Variants in DUSP18 observed in about 807,000 individuals in gnomAD.
The protein encoded by DUSP18 is dual specificity phosphatase 18.
Under a neutral mutation model 6.3 loss-of-function variants are expected in DUSP18, and 4 were observed. The observed-to-expected ratio is 0.63, with a 90% confidence interval of 0.31 to 1.45. DUSP18 has a LOEUF of 1.45. DUSP18 is among the 40% of genes most tolerant of loss of function. The pLI, the probability that DUSP18 is intolerant of heterozygous loss-of-function variation, is 0.07. For synonymous variants in DUSP18, 96 were observed against 95.1 expected, an observed-to-expected ratio of 1.01 and a Z score of -0.05; for missense variants, 235 against 247.7, an observed-to-expected ratio of 0.95 and a Z score of 0.34.
intron 1 of DUSP18, among the ~76,000 whole-genome samples, chr22:30,666,387 G>A (rs1477090454): frequency 4.6e-5 from 7 of 152,080 alleles, no homozygotes; most frequent in Non-Finnish European, 8.8e-5. Context: ...TTGGAAGGCC[G>A]AGGCGGGCAG....
chr22:30,653,145 G>A (rs892470987), intron 2 of DUSP18, among the ~76,000 whole-genome samples: 2 of 152,168 alleles, frequency 1.3e-5, no homozygotes, highest in African/African-American at 4.8e-5. Context: ...GTGAGGGCTG[G>A]TGGCTGCCTT....
chr22:30,653,977 G>T (rs74426444), intron 2 of DUSP18: 15,480 of 149,664 alleles, frequency 0.1, 1,000 homozygotes, highest in African/African-American at 0.2. Flanking sequence ...TAGCTGTTTT[G>T]TTTTTTTGTT....
At position 30,662,059 on chromosome 22, in the gene DUSP18, G is replaced by T. The variant is rs2145607704; in HGVS notation, c.*1378C>A. The T allele has an allele frequency of 7.1e-6, 1 of 140,022 alleles. No individual in the cohort carries two copies. Among genetic ancestry groups the T allele is most frequent in the African/African-American group, 2.6e-5 (1 of 38,322 alleles). 8.7% of individuals were successfully genotyped at this position (140,022 alleles called of 1,614,324 possible). A position where few individuals can be genotyped will look rare whatever the true frequency, so the allele number is the denominator to read the frequency against. ...TTTTTTTTTTTTTTTTTTACACACAGGGTAACTTTTTGGAAGAGTACTTTG... is the reference window on the plus strand; with the variant it reads ...TTTTTTTTTTTTTTTTTTACACACATGGTAACTTTTTGGAAGAGTACTTTG... On this transcript the variant is annotated 3_prime_UTR_variant, in exon 2 of 2. Transcript: ENST00000334679.
At chr22:30,654,584 A>T (rs1006412197) in intron 2 of DUSP18, 79 of 458,672 alleles carry the variant, frequency 1.7e-4, no homozygotes, top group Non-Finnish European at 7.4e-5. Context: ...GCGGCTGGGG[A>T]CCCGGAAGTG....
At chr22:30,660,841 ATTT>A (rs201034099), downstream of DUSP18, among the ~76,000 whole-genome samples, 2 of 144,286 alleles carry the variant, frequency 1.4e-5, no homozygotes. Flanking sequence ...GCATAGAACA[ATTT>A]TTTTTTTTTT....
chr22:30,656,869 C>G (rs1354653577), downstream of DUSP18, among the ~76,000 whole-genome samples: 1 of 152,166 alleles, frequency 6.6e-6, no homozygotes, highest in East Asian at 1.9e-4. Context: ...AATCACAGCA[C>G]TTTCGGAGGC....
At chr22:30,654,871 AT>A (rs2088302497) in intron 2 of DUSP18, 1 of 178,978 alleles carries the variant, frequency 5.6e-6, no homozygotes, top group Non-Finnish European at 1.2e-5. Context: ...AGGGAAGGGC[AT>A]GGGGCCCCTT....
chr22:30,660,549 A>G (rs1435300739), downstream of DUSP18, among the ~76,000 whole-genome samples: 4 of 152,198 alleles, frequency 2.6e-5, no homozygotes, highest in African/African-American at 4.8e-5. Context: ...CATGTTATCA[A>G]TGACACAGAA....
chr22:30,655,309 T>A (rs757030), intron 2 of DUSP18, among the ~76,000 whole-genome samples: 70,260 of 138,524 alleles, frequency 0.51, 19,552 homozygotes, highest in East Asian at 0.79. Context: ...AAAAAAAAAA[T>A]AGCCAAGTAT....
Position 30,663,913 on chromosome 22 carries a change from T to G in DUSP18, c.91A>C (p.Asn31His). ...AGCTTGTTGTTGGCGGCCACACCAT[T>G]GCTGATATACAGGCTTTTGGTTATC... ...SQITKSLYIS[N>H]GVAANNKLML... The change falls in exon 2 of 2, where the codon AAT (asparagine) becomes CAT (histidine). Residue 31 changes from asparagine to histidine, a missense_variant. By Grantham distance (68) the Asn-to-His change is moderately conservative. Coordinates refer to ENST00000334679, the MANE Select transcript of DUSP18 (RefSeq NM_152511.5). 6.2e-7 allele frequency: 1 copy of G among 1,614,214 alleles called. No individual in the cohort carries two copies. Among genetic ancestry groups the G allele is most frequent in the Non-Finnish European group, 8.5e-7 (1 of 1,180,032 alleles).
downstream of DUSP18, among the ~76,000 whole-genome samples, chr22:30,659,163 T>C (rs1179774592): frequency 6.8e-6 from 1 of 146,152 alleles, no homozygotes; most frequent in East Asian, 2.0e-4. Context: ...ACTGAACTGA[T>C]ACTGGAACTA....
downstream of DUSP18, among the ~76,000 whole-genome samples, chr22:30,660,121 G>A (rs896673869): frequency 2.6e-5 from 4 of 152,310 alleles, 1 homozygote; most frequent in Non-Finnish European, 5.9e-5. Context: ...GGTTTTGGCC[G>A]TATGAAACGT....
intron 2 of DUSP18, among the ~76,000 whole-genome samples, chr22:30,653,011 A>G (rs933889473): frequency 5.3e-5 from 8 of 152,192 alleles, no homozygotes; most frequent in African/African-American, 1.4e-4. Context: ...CTGGAGCCCT[A>G]TGAGGAATTA....
At chr22:30,654,238 C>A in intron 2 of DUSP18, 1 of 371,294 alleles carries the variant, frequency 2.7e-6, no homozygotes, top group Non-Finnish European at 5.3e-6. Context: ...CCCGCCTCCG[C>A]CTCCCAAAGT....
chr22:30,665,642 T>C (rs368479822), intron 1 of DUSP18: 4 of 437,304 alleles, frequency 9.1e-6, no homozygotes, highest in South Asian at 6.7e-5. Context: ...CTTAGCCCTA[T>C]GTTCTCTCCT....
chr22:30,656,713 G>T (rs2088345071), downstream of DUSP18, among the ~76,000 whole-genome samples: 1 of 152,150 alleles, frequency 6.6e-6, no homozygotes, highest in Non-Finnish European at 1.5e-5. Context: ...AACTGTTTGG[G>T]AAAAGGACGT....
intron 2 of DUSP18, among the ~76,000 whole-genome samples, chr22:30,655,460 AAAG>A (rs2088321115): frequency 6.7e-6 from 1 of 148,772 alleles, no homozygotes; most frequent in African/African-American, 2.4e-5. Context: ...AAAAAGAAAA[AAAG>A]AAGCCACTAG....
intron 2 of DUSP18, among the ~76,000 whole-genome samples, chr22:30,653,440 C>T (rs1359265853): frequency 2.6e-5 from 4 of 151,054 alleles, no homozygotes; most frequent in African/African-American, 9.7e-5. Flanking sequence ...GGTGCGATCT[C>T]GGCTCACTGC....
intron 2 of DUSP18, among the ~76,000 whole-genome samples, chr22:30,652,796 C>T (rs1357912998): frequency 6.6e-6 from 1 of 152,226 alleles, no homozygotes; most frequent in East Asian, 1.9e-4. Context: ...CCACAAAGTC[C>T]TTTTAAATCT....
Sources: allele counts gnomAD v4.1 joint callset (sites outside exome capture counted in the v4.1 genomes callset), GRCh38; gene constraint gnomAD v4.1.1; transcripts MANE v1.5; gene names NCBI Gene and HGNC (gene_info 2026-07-23, HGNC 2026-07-21).